The following LEPROTL1 variants were observed in gnomAD, a reference collection of about 807,000 sequenced individuals.
The protein encoded by LEPROTL1 is leptin receptor overlapping transcript-like 1.
Under a neutral mutation model 15.4 loss-of-function variants are expected in LEPROTL1, and 6 were observed. The observed-to-expected ratio is 0.39, with a 90% CI of 0.21 to 0.77. LEPROTL1 has a LOEUF of 0.77. LEPROTL1 is among the 30% of genes least tolerant of loss of function. LEPROTL1 has a pLI of 0.41. For missense variants in LEPROTL1, 128 were observed against 158.1 expected (o/e 0.81, Z 1.02); for synonymous variants, 56 against 52.6 (o/e 1.06, Z -0.28).
intron 3 of LEPROTL1, among the ~76,000 whole-genome samples, chr8:30,114,587 A>G (rs181881126): frequency 1.3e-5 from 2 of 152,202 alleles, no homozygotes; most frequent in African/African-American, 2.4e-5. Flanking sequence ...CACTGCGCCC[A>G]GCTTACATGA....
intron 3 of LEPROTL1, among the ~76,000 whole-genome samples, chr8:30,123,124 A>G (rs1199051411): frequency 6.6e-6 from 1 of 152,164 alleles, no homozygotes; most frequent in Non-Finnish European, 1.5e-5. Flanking sequence ...TCCTCTCCAT[A>G]TAAAACTCTG....
At chr8:30,101,739 TATTCTA>T (rs1802471125) in intron 1 of LEPROTL1, among the ~76,000 whole-genome samples, 153 bp from the exon 2 acceptor site, 1 of 151,222 alleles carries the variant, frequency 6.6e-6, no homozygotes, top group Non-Finnish European at 1.5e-5. Context: ...ACAGAAGACT[TATTCTA>T]AGACTAGATA....
At chr8:30,117,916 G>T (rs960655992) in intron 3 of LEPROTL1, 1 of 470,432 alleles carries the variant, frequency 2.1e-6, no homozygotes, top group Non-Finnish European at 3.7e-6. Context: ...TTACATTGTA[G>T]AAAAATGCTT....
chr8:30,106,944 G>C lies in LEPROTL1; in HGVS notation c.*1082G>C, dbSNP rs2117489307. The C allele has an allele frequency of 1.0e-6, 1 of 985,638 alleles. No individual in the cohort carries two copies. 61.1% of individuals were successfully genotyped at this position (985,638 alleles called of 1,614,324 possible). The stretch of plus-strand genomic sequence containing the variant: ...AAATAATTGCTATGCCGTACATTCA[G>C]AGTGCCCCCTCCCCTGCAAGGCCTT... On this transcript the variant is annotated 3_prime_UTR_variant, in exon 4 of 4. Coordinates refer to ENST00000321250, the MANE Select transcript of LEPROTL1 (RefSeq NM_015344.3).
At chr8:30,100,598 T>C (rs931938412) in intron 1 of LEPROTL1, among the ~76,000 whole-genome samples, 26 of 152,162 alleles carry the variant, frequency 1.7e-4, no homozygotes, top group Admixed American at 1.6e-3. Flanking sequence ...TACAGGCATG[T>C]GCCACCACAC....
At position 30,107,752 on chromosome 8, in the gene LEPROTL1, CTTT is replaced by C; in HGVS notation, c.*1896_*1898del. 1 of 969,994 alleles carries C rather than the reference CTTT, an allele frequency of 1.0e-6. No homozygotes were observed. Among genetic ancestry groups the C allele is most frequent in the African/African-American group, 1.8e-5 (1 of 57,046 alleles). The allele number at this position is 969,994 out of a possible 1,614,324, so 60.1% of individuals were successfully genotyped here. ...CTCTTTGTGCTTGTGATCTACTGGA[CTTT>C]TTTTTGCAGGAAGTGCATTCTCTGG... On this transcript the variant is annotated 3_prime_UTR_variant, in exon 4 of 4. Coordinates refer to ENST00000321250, the MANE Select transcript of LEPROTL1 (RefSeq NM_015344.3).
rs113757454 is a variant in LEPROTL1, at chr8:30,100,849, CTG to C, written c.17-1031_17-1030del. Among the ~76,000 whole-genome samples the C allele has an allele frequency of 7.0e-4, 105 of 150,730 alleles. 1 individual carries two copies. Among genetic ancestry groups the C allele is most frequent in the South Asian group, 4.6e-3 (22 of 4,776 alleles). ...CGTGAGAGCACCTTAAAATGTACTG[CTG>C]TGTGTGTGTGTGTGTGTCTGTGTGT... On this transcript the variant is annotated intron_variant, in intron 1 of 3. Coordinates refer to ENST00000321250, the MANE Select transcript of LEPROTL1 (RefSeq NM_015344.3).
chr8:30,112,413 T>TTC (rs1802667576), downstream of LEPROTL1, among the ~76,000 whole-genome samples: 1 of 125,728 alleles, frequency 8.0e-6, no homozygotes, highest in African/African-American at 2.9e-5. Context: ...TTTTTTTTTT[T>TTC]TTTTTTTTTT....
chr8:30,102,523 A>G (rs1379681305), intron 2 of LEPROTL1, among the ~76,000 whole-genome samples: 1 of 151,798 alleles, frequency 6.6e-6, no homozygotes, highest in East Asian at 1.9e-4. Flanking sequence ...GTGGTGACAC[A>G]TGCCTGTAGT....
chr8:30,117,543 C>A (rs1408038254), intron 3 of LEPROTL1: 2 of 1,306,596 alleles, frequency 1.5e-6, no homozygotes, highest in Non-Finnish European at 2.2e-6. Context: ...CACATCAAAT[C>A]TGGGGCTGAT....
Position 30,104,466 on chromosome 8 carries a change from G to A in LEPROTL1, c.259G>A (p.Val87Ile), listed in dbSNP as rs1424382345. The A allele has an allele frequency of 6.2e-7, 1 of 1,606,432 alleles. No individual in the cohort carries two copies. Among genetic ancestry groups the A allele is most frequent in the Admixed American group, 1.7e-5 (1 of 58,742 alleles). ...CGTGTCAGCTTTTGGACTCCCTATT[G>A]TATTTGCCAGAGCACATCTGGTAAG... ...IVVSAFGLPI[V>I]FARAHLIEWG... Residue 87 changes from valine to isoleucine, a missense_variant, in exon 3 of 4, where the codon GTA becomes ATA. By Grantham distance (29) the Val-to-Ile change is conservative. Coordinates refer to ENST00000321250, the MANE Select transcript of LEPROTL1 (RefSeq NM_015344.3).
chr8:30,107,984 A>G lies in LEPROTL1; in HGVS notation c.*2122A>G, dbSNP rs1802597608. 6 of 976,382 alleles carry G rather than the reference A, an allele frequency of 6.1e-6. No individual in the cohort carries two copies. The South Asian group carries it at 2.8e-4, about 46-fold the overall frequency. The allele number at this position is 976,382 out of a possible 1,614,324, so 60.5% of individuals were successfully genotyped here. On this transcript the variant is annotated 3_prime_UTR_variant, in exon 4 of 4. Coordinates refer to ENST00000321250, the MANE Select transcript of LEPROTL1 (RefSeq NM_015344.3). ...GTTACTTGAGATATGAATTTTCCAT[A>G]GAATATGCACTGATACAATATTACC...
chr8:30,105,901 C>T lies in LEPROTL1; in HGVS notation c.*39C>T. On this transcript the variant is annotated 3_prime_UTR_variant, in exon 4 of 4. Transcript: ENST00000321250. Reference sequence around the variant, plus strand: ...AACTATTGTCAAATGGACTTCCTGTCATTTGTTGGCCATTCACGCACACAG... The same window carrying T: ...AACTATTGTCAAATGGACTTCCTGTTATTTGTTGGCCATTCACGCACACAG... The T allele has an allele frequency of 6.9e-7, 1 of 1,451,934 alleles. No homozygotes were observed. Among genetic ancestry groups the T allele is most frequent in the Non-Finnish European group, 9.1e-7 (1 of 1,095,836 alleles). 89.9% of individuals were successfully genotyped at this position (1,451,934 alleles called of 1,614,324 possible).
intron 3 of LEPROTL1, among the ~76,000 whole-genome samples, chr8:30,121,237 TG>T (rs1168923397): frequency 1.3e-5 from 2 of 151,130 alleles, no homozygotes; most frequent in Non-Finnish European, 2.9e-5. Context: ...TTTGGGGTTT[TG>T]TTTTTGTTTT....
intron 3 of LEPROTL1, among the ~76,000 whole-genome samples, chr8:30,114,434 G>GCGCC (rs1370663093): frequency 6.6e-6 from 1 of 151,936 alleles, no homozygotes; most frequent in African/African-American, 2.4e-5. Flanking sequence ...GGGATTACAG[G>GCGCC]CGCCCACCAG....
chr8:30,120,919 A>T (rs1802819114), intron 3 of LEPROTL1, among the ~76,000 whole-genome samples: 2 of 152,126 alleles, frequency 1.3e-5, no homozygotes, highest in African/African-American at 4.8e-5. Flanking sequence ...TACCCGCATA[A>T]TTCTATACAG....
downstream of LEPROTL1, among the ~76,000 whole-genome samples, chr8:30,111,513 T>G (rs11984896): frequency 6.6e-5 from 10 of 152,038 alleles, no homozygotes; most frequent in African/African-American, 1.2e-4. Flanking sequence ...GAGGTAGTTA[T>G]GCTGAAATTC....
At chr8:30,132,235 C>G in intron 3 of LEPROTL1, 1 of 1,551,846 alleles carries the variant, frequency 6.4e-7, no homozygotes, top group Non-Finnish European at 8.7e-7. Context: ...TGGATGGAGT[C>G]CATGCCACCA....
At chr8:30,101,277 C>T (rs567934874) in intron 1 of LEPROTL1, among the ~76,000 whole-genome samples, 2 of 152,088 alleles carry the variant, frequency 1.3e-5, no homozygotes, top group Non-Finnish European at 1.5e-5. Flanking sequence ...TTCTAATGCC[C>T]AGAAGAGCAT....
Sources: gnomAD v4.1 joint callset for allele counts (sites outside exome capture counted in the v4.1 genomes callset) on GRCh38, gnomAD v4.1.1 for gene constraint, MANE v1.5 for transcripts, NCBI Gene and HGNC (gene_info 2026-07-23, HGNC 2026-07-21) for gene names.